The following OSBPL10 variants were observed in gnomAD, a reference collection of about 807,000 sequenced individuals.
The protein encoded by OSBPL10 is oxysterol-binding protein-related protein 10.
Under a neutral mutation model 81.7 loss-of-function variants are expected in OSBPL10, and 49 were observed. The ratio of observed to expected loss-of-function variants is 0.60; its 90% confidence interval spans 0.48 to 0.76. OSBPL10 has a LOEUF of 0.76. Ranked by LOEUF, OSBPL10 falls within the 30% of genes least tolerant of loss-of-function variation. The probability of loss-of-function intolerance (pLI) is 0.00; values close to 1 mark genes in which losing one functional copy is unlikely to be tolerated. For synonymous variants in OSBPL10, 419 were observed against 383.6 expected, an observed-to-expected ratio of 1.09 and a Z score of -1.08; for missense variants, 923 against 987.8, an observed-to-expected ratio of 0.93 and a Z score of 0.88.
chr3:31,969,312 G>A (rs1025188139), intron 1 of OSBPL10: 2 of 152,544 alleles, frequency 1.3e-5, no homozygotes, highest in Non-Finnish European at 2.9e-5. Context: ...GCAGAGAAAG[G>A]ACAGGCCAGG....
At chr3:31,983,566 G>A (rs1250612349), upstream of OSBPL10, among the ~76,000 whole-genome samples, 1 of 152,196 alleles carries the variant, frequency 6.6e-6, no homozygotes, top group East Asian at 1.9e-4. Flanking sequence ...ATGTCCAAGA[G>A]GTGAGTGGAG....
chr3:31,721,649 T>C (rs1696648170), intron 6 of OSBPL10: 1 of 152,244 alleles, frequency 6.6e-6, no homozygotes, highest in South Asian at 2.1e-4. Flanking sequence ...GATGTCATTA[T>C]TTATACCCAG....
chr3:31,666,595 ATGGG>A (rs1460072215), intron 10 of OSBPL10, among the ~76,000 whole-genome samples: 1 of 152,154 alleles, frequency 6.6e-6, no homozygotes, highest in African/African-American at 2.4e-5. Flanking sequence ...GAGAACAAGG[ATGGG>A]TGGGCTCAGT....
rs3792539 is a variant in OSBPL10 at position 31,729,577 on chromosome 3, C to T, written c.1095+3680G>A. 2.4e-3 allele frequency among the ~76,000 whole-genome samples: 368 copies of T among 152,272 alleles called. 4 individuals are homozygous for T. In the East Asian group the frequency reaches 0.027, roughly 11 times the overall value. ...CTGGGATTACAGGCGCACGCCACCA[C>T]GCCCAGCTCATTTTTGTATTTTTAA... On this transcript the variant is annotated intron_variant, in intron 6 of 11. Coordinates refer to ENST00000396556, the MANE Select transcript of OSBPL10 (RefSeq NM_017784.5).
At chr3:32,074,502 A>G (rs1026475138) in intron 1 of OSBPL10, among the ~76,000 whole-genome samples, 2 of 152,154 alleles carry the variant, frequency 1.3e-5, no homozygotes, top group Non-Finnish European at 2.9e-5. Flanking sequence ...TAAGCCCTCT[A>G]TCATTACTGA....
At chr3:31,780,721 A>C (rs942677449) in intron 4 of OSBPL10, among the ~76,000 whole-genome samples, 2 of 152,170 alleles carry the variant, frequency 1.3e-5, no homozygotes, top group African/African-American at 4.8e-5. Flanking sequence ...GAGATAGATA[A>C]ATTCCTGGAA....
chr3:31,688,484 G>GC, intron 7 of OSBPL10, among the ~76,000 whole-genome samples: 1 of 151,966 alleles, frequency 6.6e-6, no homozygotes, highest in Non-Finnish European at 1.5e-5. Context: ...ATCTCCACCT[G>GC]CAAGGCTCTT....
Position 31,945,434 on chromosome 3 carries a change from C to T in OSBPL10, c.281+35465G>A, listed in dbSNP as rs1351257350. Reference sequence around the variant, plus strand: ...ACATACGATCCAGCCCTCAAGCCCACTTGCTTTGACCAGAATCAGGCTTTG... The same window carrying T: ...ACATACGATCCAGCCCTCAAGCCCATTTGCTTTGACCAGAATCAGGCTTTG... On this transcript the variant is annotated intron_variant, in intron 1 of 11. Coordinates refer to ENST00000396556, the MANE Select transcript of OSBPL10 (RefSeq NM_017784.5). Among the ~76,000 whole-genome samples the T allele has an allele frequency of 2.0e-5, 3 of 152,248 alleles. No individual in the cohort carries two copies. In the East Asian group the frequency reaches 5.8e-4, roughly 29 times the overall value.
chr3:31,858,878 C>G (rs1218639778), intron 3 of OSBPL10, among the ~76,000 whole-genome samples: 1 of 152,174 alleles, frequency 6.6e-6, no homozygotes, highest in African/African-American at 2.4e-5. Context: ...GCTTCTTAGC[C>G]ACTCCTTCAT....
At chr3:31,724,735 A>T (rs1696755090) in intron 6 of OSBPL10, among the ~76,000 whole-genome samples, 1 of 152,240 alleles carries the variant, frequency 6.6e-6, no homozygotes, top group Admixed American at 6.5e-5. Context: ...AGCTGCCAGA[A>T]ACCAAGTCCA....
intron 3 of OSBPL10, among the ~76,000 whole-genome samples, chr3:31,860,922 G>A (rs1036728360): frequency 8.6e-5 from 13 of 151,346 alleles, no homozygotes; most frequent in South Asian, 2.1e-4. Flanking sequence ...TGTTGGCCAG[G>A]CTGGTCTTAA....
At chr3:31,783,381 A>G (rs954550863) in intron 4 of OSBPL10, among the ~76,000 whole-genome samples, 23 of 151,892 alleles carry the variant, frequency 1.5e-4, no homozygotes, top group Non-Finnish European at 3.2e-4. Flanking sequence ...GTGAGGAAAT[A>G]AAAGACTACA....
intron 4 of OSBPL10, among the ~76,000 whole-genome samples, chr3:31,805,204 C>A (rs1482900406): frequency 6.6e-6 from 1 of 152,112 alleles, no homozygotes; most frequent in Non-Finnish European, 1.5e-5. Flanking sequence ...TGAGATGAAC[C>A]TTTAAAACAA....
chr3:31,983,667 A>T (rs899997093), upstream of OSBPL10, among the ~76,000 whole-genome samples: 1 of 152,086 alleles, frequency 6.6e-6, no homozygotes, highest in African/African-American at 2.4e-5. Flanking sequence ...TGCTCTCTTC[A>T]CCCGGTTTGT....
intron 5 of OSBPL10, among the ~76,000 whole-genome samples, chr3:31,741,691 A>G (rs1200242621): frequency 1.3e-5 from 2 of 152,096 alleles, no homozygotes; most frequent in Non-Finnish European, 2.9e-5. Flanking sequence ...CTGATATCCT[A>G]TTGATATCCT....
Position 31,952,751 on chromosome 3 carries a change from A to G in OSBPL10, c.281+28148T>C, listed in dbSNP as rs549674476. Among the ~76,000 whole-genome samples, 18 of 152,278 alleles carry G rather than the reference A, an allele frequency of 1.2e-4. No homozygotes were observed. In the East Asian group the frequency reaches 1.7e-3, roughly 15 times the overall value. ...CTGATATTACTAAATATTAAATATT[A>G]CTAAAACCTGCCCGCCTTGTGTGGT... On this transcript the variant is annotated intron_variant, in intron 1 of 11. Transcript: ENST00000396556.
At chr3:31,953,415 CTGT>C (rs368951770) in intron 1 of OSBPL10, among the ~76,000 whole-genome samples, 144 of 151,688 alleles carry the variant, frequency 9.5e-4, no homozygotes, top group African/African-American at 3.3e-3. Flanking sequence ...AGAAGTGATT[CTGT>C]TGTTGTTGTT....
intron 8 of OSBPL10, among the ~76,000 whole-genome samples, chr3:31,680,945 T>A (rs1700624917): frequency 6.6e-6 from 1 of 152,234 alleles, no homozygotes; most frequent in African/African-American, 2.4e-5. Context: ...GGAAAATAGT[T>A]GTAATACTGC....
intron 1 of OSBPL10, among the ~76,000 whole-genome samples, chr3:32,053,306 T>C (rs1219247673): frequency 6.6e-6 from 1 of 152,174 alleles, no homozygotes; most frequent in African/African-American, 2.4e-5. Context: ...GGTTAAAGGA[T>C]TGTTTTAAGT....
Sources: gnomAD v4.1 joint callset for allele counts (sites outside exome capture counted in the v4.1 genomes callset) on GRCh38, gnomAD v4.1.1 for gene constraint, MANE v1.5 for transcripts, NCBI Gene and HGNC (gene_info 2026-07-23, HGNC 2026-07-21) for gene names.